Variants in SEMA4D observed in about 807,000 individuals in gnomAD.
The protein encoded by SEMA4D is semaphorin 4D, also known as semaphorin-4D.
A neutral mutation model predicts 74.8 loss-of-function variants in SEMA4D; 22 were observed. That is an observed-to-expected ratio of 0.29 (90% CI 0.21 to 0.42). The LOEUF (loss-of-function observed/expected upper bound fraction) is 0.42, where lower values mean the gene tolerates loss of function less well. Ranked by LOEUF, SEMA4D falls within the 10% of genes least tolerant of loss-of-function variation. SEMA4D has a pLI of 1.00. For synonymous variants in SEMA4D, 445 were observed against 463.7 expected (o/e 0.96, Z 0.52); for missense variants, 937 against 1,118.4 (o/e 0.84, Z 2.31).
intron 1 of SEMA4D, among the ~76,000 whole-genome samples, chr9:89,476,487 G>T (rs187365496): frequency 1.1e-3 from 161 of 152,304 alleles, no homozygotes; most frequent in Middle Eastern, 3.4e-3. Context: ...TCTGTAATGA[G>T]GGTGGTCCTC....
chr9:89,439,397 T>C (rs1851213580), intron 2 of SEMA4D, among the ~76,000 whole-genome samples: 1 of 152,140 alleles, frequency 6.6e-6, no homozygotes, highest in Non-Finnish European at 1.5e-5. Flanking sequence ...TTTCTTAGAA[T>C]CCTCTAAGAT....
At chr9:89,441,889 A>T (rs1344743827) in intron 2 of SEMA4D, among the ~76,000 whole-genome samples, 3 of 152,226 alleles carry the variant, frequency 2.0e-5, no homozygotes, top group Non-Finnish European at 2.9e-5. Flanking sequence ...AGAGGGCTAG[A>T]GGCTGGCAAG....
chr9:89,452,182 G>GTTTTTTTTTT (rs748453753), intron 2 of SEMA4D, among the ~76,000 whole-genome samples: 1 of 135,434 alleles, frequency 7.4e-6, no homozygotes, highest in African/African-American at 2.8e-5. Context: ...GGTTTTTTTT[G>GTTTTTTTTTT]TTTTTTTTTT....
At chr9:89,406,470 C>T (rs1843346914) in intron 2 of SEMA4D, among the ~76,000 whole-genome samples, 1 of 152,208 alleles carries the variant, frequency 6.6e-6, no homozygotes, top group South Asian at 2.1e-4. Context: ...CACAGGCCTC[C>T]TGGCCCCATC....
At chr9:89,371,964 G>C (rs967703060) in intron 16 of SEMA4D, among the ~76,000 whole-genome samples, 4 of 131,288 alleles carry the variant, frequency 3.0e-5, no homozygotes, top group Admixed American at 7.8e-5. Flanking sequence ...TGTGGTGTGT[G>C]TGGGGTGTGG....
At chr9:89,386,731 C>A (rs1838598668) in intron 12 of SEMA4D, 1 of 399,970 alleles carries the variant, frequency 2.5e-6, no homozygotes, top group South Asian at 2.5e-5. Flanking sequence ...CATGGTTGAC[C>A]CCAAGAATCC....
chr9:89,402,849 T>C (rs1476970464), intron 4 of SEMA4D, 22 bp downstream of exon 4: 1 of 1,607,064 alleles, frequency 6.2e-7, no homozygotes, highest in Non-Finnish European at 8.5e-7. Flanking sequence ...TATGTGGACA[T>C]GCAGGGGAGC....
At chr9:89,482,710 A>G (rs529964108) in intron 1 of SEMA4D, among the ~76,000 whole-genome samples, 1 of 152,342 alleles carries the variant, frequency 6.6e-6, no homozygotes, top group African/African-American at 2.4e-5. Context: ...AGTAGTCCTG[A>G]CACAAAATGT....
chr9:89,400,193 C>G (rs112090380), intron 4 of SEMA4D, among the ~76,000 whole-genome samples: 4,152 of 152,266 alleles, frequency 0.027, 181 homozygotes, highest in African/African-American at 0.095. Context: ...GATCCATGTT[C>G]CTACCACCTC....
intron 2 of SEMA4D, chr9:89,450,334 T>C (rs1854055704): frequency 1.1e-6 from 1 of 934,746 alleles, no homozygotes; most frequent in Non-Finnish European, 1.8e-6. Context: ...GGACTGAAAA[T>C]GAAAACTTGA....
rs769096810 is a variant in SEMA4D at position 89,379,188 on chromosome 9, G to A, written c.2105C>T (p.Ala702Val). ...TGGTTCGCAGGATGTGCCGGTGGGC[G>A]CAGGCTTGGGAGGAAGGGTGATGGC... ...SGAITLPPKP[A>V]PTGTSCEPKI... Residue 702 changes from alanine (A) to valine (V), a missense_variant, in exon 16 of 16, where the codon GCG (alanine) becomes GTG (valine). Transcript: ENST00000422704. 3.2e-5 allele frequency: 51 copies of A among 1,614,048 alleles called. No homozygotes were observed. Among genetic ancestry groups the A allele is most frequent in the South Asian group, 6.6e-5 (6 of 91,088 alleles).
chr9:89,390,769 A>G (rs1240258119), intron 9 of SEMA4D, among the ~76,000 whole-genome samples: 1 of 152,002 alleles, frequency 6.6e-6, no homozygotes, highest in South Asian at 2.1e-4. Flanking sequence ...ATTTCCTGTA[A>G]TCAAGCCCAT....
chr9:89,491,870 C>T (rs1286370786), intron 1 of SEMA4D, among the ~76,000 whole-genome samples: 1 of 152,134 alleles, frequency 6.6e-6, no homozygotes, highest in Non-Finnish European at 1.5e-5. Flanking sequence ...CTGTGGGCCC[C>T]GGGGCCAAGA....
intron 1 of SEMA4D, among the ~76,000 whole-genome samples, chr9:89,488,736 T>C (rs1266009202): frequency 2.0e-5 from 3 of 152,188 alleles, no homozygotes; most frequent in Non-Finnish European, 2.9e-5. Context: ...AAAACACAGA[T>C]AATCTTTATC....
rs369531671 is a variant in SEMA4D at position 89,460,654 on chromosome 9, G to C, written c.-309-4701C>G. Among the ~76,000 whole-genome samples the C allele has an allele frequency of 5.3e-5, 8 of 152,346 alleles. No individual in the cohort carries two copies. The East Asian group carries it at 9.6e-4, about 18-fold the overall frequency. ...CATGAGACGGCTCAAGAATATGTCAGAGATACCCCAGCCTCACATGCACAG... is the reference window on the plus strand; with the variant it reads ...CATGAGACGGCTCAAGAATATGTCACAGATACCCCAGCCTCACATGCACAG... On this transcript the variant is annotated intron_variant, in intron 1 of 15. Transcript: ENST00000422704.
exon 18 of SEMA4D, chr9:89,363,481 C>G (rs1281005890): frequency 6.2e-7 from 1 of 1,614,106 alleles, no homozygotes; most frequent in South Asian, 1.1e-5. Context: ...CAGCCACAGC[C>G]CTCCAGGCAG....
chr9:89,479,743 G>A, intron 1 of SEMA4D: 1 of 155,984 alleles, frequency 6.4e-6, no homozygotes, highest in Non-Finnish European at 1.4e-5. Context: ...CGGTGGGCTC[G>A]TGGTCTCGCT....
intron 1 of SEMA4D, among the ~76,000 whole-genome samples, chr9:89,480,084 G>T (rs1257110072): frequency 6.6e-5 from 10 of 151,880 alleles, no homozygotes; most frequent in African/African-American, 2.2e-4. Context: ...GTTCTCCAAG[G>T]CCCCACCAGA....
chr9:89,428,594 ACGGAGCCTGCTCAAGG>A (rs1848596530), intron 2 of SEMA4D, among the ~76,000 whole-genome samples: 1 of 16,362 alleles, frequency 6.1e-5, no homozygotes, highest in Non-Finnish European at 1.6e-4. Flanking sequence ...GCTCAAGGTC[ACGGAGCCTGCTCAAGG>A]TCATGCAGCG....
Sources: allele counts gnomAD v4.1 joint callset (sites outside exome capture counted in the v4.1 genomes callset), GRCh38; gene constraint gnomAD v4.1.1; transcripts MANE v1.5; gene names NCBI Gene and HGNC (gene_info 2026-07-23, HGNC 2026-07-21).